The following KDM4C variants were observed in gnomAD, a reference collection of about 807,000 sequenced individuals.
The protein encoded by KDM4C is lysine demethylase 4C.
In KDM4C, 81 loss-of-function variants were observed where a neutral mutation model predicts 129.3. The observed-to-expected ratio is 0.63, with a 90% confidence interval of 0.52 to 0.75. KDM4C has a LOEUF of 0.75. Ranked by LOEUF, KDM4C falls within the 30% of genes least tolerant of loss-of-function variation. KDM4C has a pLI of 0.00. For synonymous variants in KDM4C, 573 were observed against 456.1 expected (o/e 1.26, Z -3.26); for missense variants, 1,457 against 1,304.0 (o/e 1.12, Z -1.81).
rs753436210 is a variant in KDM4C at position 6,721,039 on chromosome 9, A to G, written c.49+42A>G. The G allele has an allele frequency of 5.3e-6, 8 of 1,510,980 alleles. No homozygotes were observed. In the South Asian group the frequency reaches 9.7e-5, roughly 18 times the overall value. 93.6% of individuals were successfully genotyped at this position (1,510,980 alleles called of 1,614,324 possible). ...ACATAATCCAGGACACTTTGTACATAGTTGGTGGTTCTGTCACACTTAAAG... is the reference window on the plus strand; with the variant it reads ...ACATAATCCAGGACACTTTGTACATGGTTGGTGGTTCTGTCACACTTAAAG... On this transcript the variant is annotated intron_variant, in intron 1 of 17. Coordinates refer to the KDM4C transcript ENST00000536108.
intron 17 of KDM4C, among the ~76,000 whole-genome samples, chr9:7,090,982 A>G (rs567530379): frequency 1.3e-5 from 2 of 152,326 alleles, no homozygotes; most frequent in Admixed American, 6.5e-5. Context: ...TATTAATACT[A>G]GTGGAGCATG....
intron 8 of KDM4C, among the ~76,000 whole-genome samples, chr9:6,968,178 C>G (rs1376241850): frequency 6.6e-6 from 1 of 152,092 alleles, no homozygotes; most frequent in Non-Finnish European, 1.5e-5. Flanking sequence ...ACTTAGAAAA[C>G]TAAACATGAA....
At chr9:6,904,964 A>G (rs1214785784) in intron 8 of KDM4C, among the ~76,000 whole-genome samples, 2 of 152,168 alleles carry the variant, frequency 1.3e-5, no homozygotes, top group Non-Finnish European at 2.9e-5. Context: ...CAAAAAACAA[A>G]CAAACAAAAA....
At position 7,126,409 on chromosome 9, in the gene KDM4C, A is replaced by C. The variant is rs142154410; in HGVS notation, c.2611-1657A>C. 3.9e-5 allele frequency among the ~76,000 whole-genome samples: 6 copies of C among 152,326 alleles called. No individual in the cohort carries two copies. In the East Asian group the frequency reaches 1.2e-3, roughly 29 times the overall value. ...TAATACAGCTCTTCTACAGGTCTTA[A>C]AAATTACTTGGGTGTATTTAGGGAT... On this transcript the variant is annotated intron_variant, in intron 18 of 21. Transcript: ENST00000381309.
At chr9:6,855,453 C>T (rs1041159220) in intron 5 of KDM4C, among the ~76,000 whole-genome samples, 2 of 87,648 alleles carry the variant, frequency 2.3e-5, no homozygotes, top group Non-Finnish European at 4.0e-5. Context: ...AGTGAGACTC[C>T]GTCTCAAAAA....
In KDM4C at chr9:6,758,492, C is replaced by G. The variant is rs530853234; in HGVS notation, c.-18+289C>G. On this transcript the variant is annotated intron_variant, in intron 1 of 21. Coordinates refer to ENST00000381309, the MANE Select transcript of KDM4C (RefSeq NM_015061.6). The surrounding 1 kb of genome is among the most constrained non-coding windows in gnomAD (Gnocchi z 4.6). ...TCCCGGGATCCGGAGTCGGGGTCGCCTCCTTGGGGCAGAGGAGCGCTCGGG... is the reference window on the plus strand; with the variant it reads ...TCCCGGGATCCGGAGTCGGGGTCGCGTCCTTGGGGCAGAGGAGCGCTCGGG... Among the ~76,000 whole-genome samples, 1 of 152,228 alleles carries G rather than the reference C, an allele frequency of 6.6e-6. No homozygotes were observed. The highest frequency in any genetic ancestry group is 2.4e-5 in the African/African-American group (1 of 41,464).
At chr9:6,930,294 A>G (rs1419293693) in intron 8 of KDM4C, among the ~76,000 whole-genome samples, 1 of 152,204 alleles carries the variant, frequency 6.6e-6, no homozygotes, top group Non-Finnish European at 1.5e-5. Context: ...CCATTCTGAC[A>G]CTATTTCACT....
At chr9:6,793,853 T>A (rs1312929287) in intron 2 of KDM4C, among the ~76,000 whole-genome samples, 4 of 152,246 alleles carry the variant, frequency 2.6e-5, no homozygotes, top group Admixed American at 1.3e-4. Context: ...TCTTTTTTTT[T>A]ATATAACACT....
chr9:6,761,553 C>T (rs1302692748), intron 1 of KDM4C, among the ~76,000 whole-genome samples: 1 of 152,090 alleles, frequency 6.6e-6, no homozygotes, highest in Non-Finnish European at 1.5e-5. Flanking sequence ...CTCCCGGGCT[C>T]AAGCAGTCCG....
Position 6,856,871 on chromosome 9 carries a change from C to T in KDM4C, c.629+7171C>T, listed in dbSNP as rs530511814. ...TTCCCGGGTTCACGCCATTCTCCTG[C>T]CTCAGCCTCCCGAGTAGCTGGGACT... On this transcript the variant is annotated intron_variant, in intron 5 of 21. Transcript: ENST00000381309. Among the ~76,000 whole-genome samples the T allele has an allele frequency of 9.7e-4, 147 of 151,442 alleles. 1 individual carries two copies. Among genetic ancestry groups the T allele is most frequent in the Non-Finnish European group, 1.9e-3 (130 of 67,896 alleles).
chr9:6,781,053 T>C (rs1393132708), intron 1 of KDM4C, among the ~76,000 whole-genome samples: 5 of 152,152 alleles, frequency 3.3e-5, no homozygotes, highest in Non-Finnish European at 2.9e-5. Context: ...TAGCCCCTCA[T>C]GGCATTGTCT....
intron 15 of KDM4C, among the ~76,000 whole-genome samples, chr9:7,040,930 G>C (rs1027058900): frequency 2.0e-5 from 3 of 151,568 alleles, no homozygotes; most frequent in South Asian, 2.1e-4. Context: ...TCTTTTATCA[G>C]TTGTGGAAAA....
intron 17 of KDM4C, among the ~76,000 whole-genome samples, chr9:7,075,050 A>T (rs1587471874): frequency 6.6e-6 from 1 of 152,266 alleles, no homozygotes; most frequent in East Asian, 1.9e-4. Context: ...TTTCTTGAAC[A>T]AAAGTAGGGA....
chr9:7,045,961 G>A (rs1351928990), intron 15 of KDM4C, among the ~76,000 whole-genome samples: 4 of 151,826 alleles, frequency 2.6e-5, no homozygotes, highest in Admixed American at 2.6e-4. Context: ...TAGTGGACAG[G>A]GTAAAGAGGT....
chr9:7,021,083 T>G (rs1824741992), intron 15 of KDM4C, among the ~76,000 whole-genome samples: 1 of 151,834 alleles, frequency 6.6e-6, no homozygotes, highest in African/African-American at 2.4e-5. Context: ...GAGCACCTTT[T>G]CATACACCTG....
At chr9:6,874,791 A>G (rs1344994899) in intron 5 of KDM4C, among the ~76,000 whole-genome samples, 1 of 152,148 alleles carries the variant, frequency 6.6e-6, no homozygotes, top group Non-Finnish European at 1.5e-5. Context: ...AGACCATGCT[A>G]TAATGAAAAT....
At chr9:6,925,120 T>G in intron 8 of KDM4C, 1 of 985,422 alleles carries the variant, frequency 1.0e-6, no homozygotes, top group Non-Finnish European at 1.2e-6. Flanking sequence ...TTTTCCTCTT[T>G]GAACTCTTTC....
At chr9:6,730,464 A>T (rs912807796) in intron 1 of KDM4C, among the ~76,000 whole-genome samples, 2 of 151,240 alleles carry the variant, frequency 1.3e-5, no homozygotes, top group African/African-American at 4.9e-5. Context: ...AAATACAAAA[A>T]ATTAGCTGGG....
At chr9:6,785,524 A>G (rs185278296) in intron 1 of KDM4C, among the ~76,000 whole-genome samples, 68 of 152,116 alleles carry the variant, frequency 4.5e-4, no homozygotes, top group African/African-American at 1.5e-3. Flanking sequence ...TTTTTAGTAG[A>G]GACAGGGTTT....
Sources: gnomAD v4.1 joint callset for allele counts (sites outside exome capture counted in the v4.1 genomes callset) on GRCh38, gnomAD v4.1.1 for gene constraint, Gnocchi (gnomAD v3.1) non-coding constraint, MANE v1.5 for transcripts, NCBI Gene and HGNC (gene_info 2026-07-23, HGNC 2026-07-21) for gene names.